GAB2: variants seen among roughly 807,000 people sequenced by gnomAD.
GAB2 encodes the protein GRB2 associated binding protein 2.
Under a neutral mutation model 65.5 loss-of-function variants are expected in GAB2, and 26 were observed. That is an observed-to-expected ratio of 0.40 (90% CI 0.29 to 0.55). The LOEUF is 0.55. GAB2 is among the 20% of genes least tolerant of loss of function. The probability of loss-of-function intolerance (pLI) is 0.53; values close to 1 mark genes in which losing one functional copy is unlikely to be tolerated. For synonymous variants in GAB2, 321 were observed against 329.6 expected (o/e 0.97, Z 0.28); for missense variants, 884 against 875.8 (o/e 1.01, Z -0.12).
intron 1 of GAB2, among the ~76,000 whole-genome samples, chr11:78,367,396 A>T (rs116919068): frequency 1.2e-3 from 183 of 152,354 alleles, no homozygotes; most frequent in Non-Finnish European, 2.0e-3. Context: ...GATACAGCAG[A>T]CTAGAAAGCA....
intron 1 of GAB2, among the ~76,000 whole-genome samples, chr11:78,323,301 GGAGTTCGA>G (rs1855761638): frequency 6.6e-6 from 1 of 152,244 alleles, no homozygotes; most frequent in East Asian, 1.9e-4. Context: ...CCTGAGGTCA[GGAGTTCGA>G]GACCAGCCTG....
In GAB2 at chr11:78,227,359, C is replaced by T. The variant is rs189310125; in HGVS notation, c.621-308G>A. ...TTAAGTACCGCAGAATATGCACATTCGAACACAAATGTTGTGAGACAGTGG... is the reference window on the plus strand; with the variant it reads ...TTAAGTACCGCAGAATATGCACATTTGAACACAAATGTTGTGAGACAGTGG... On this transcript the variant is annotated intron_variant, in intron 3 of 9. Transcript: ENST00000361507. 6.7e-4 allele frequency among the ~76,000 whole-genome samples: 102 copies of T among 152,256 alleles called. 1 individual carries two copies. The highest frequency in any genetic ancestry group is 1.7e-3 in the Admixed American group (26 of 15,286).
chr11:78,349,993 T>C (rs903215544), intron 1 of GAB2, among the ~76,000 whole-genome samples: 9 of 152,134 alleles, frequency 5.9e-5, no homozygotes, highest in Admixed American at 3.3e-4. Context: ...TTTTTAAAGG[T>C]AAAAGCAAAT....
chr11:78,416,848 C>A (rs1857203215), intron 1 of GAB2, among the ~76,000 whole-genome samples: 1 of 151,852 alleles, frequency 6.6e-6, no homozygotes, highest in African/African-American at 2.4e-5. Flanking sequence ...CCCCAGGCTG[C>A]CAGTTCCCCA....
At position 78,280,772 on chromosome 11, in the gene GAB2, C is replaced by T; in HGVS notation, c.205G>A (p.Val69Ile). The T allele has an allele frequency of 8.1e-6, 13 of 1,614,188 alleles. No homozygotes were observed. The highest frequency in any genetic ancestry group is 1.1e-5 in the Non-Finnish European group (13 of 1,180,018). The change falls in exon 2 of 10, where the codon GTA becomes ATA. Residue 69 changes from valine (V) to isoleucine (I), a missense_variant. Transcript: ENST00000361507. ...RIINLNFCEQ[V>I]DAGLTFNKKE... Reference sequence around the variant, plus strand: ...TTGTTAAAGGTCAGGCCTGCATCTACCTGCTCACAGAAGTTCAGGTTGATG... The same window carrying T: ...TTGTTAAAGGTCAGGCCTGCATCTATCTGCTCACAGAAGTTCAGGTTGATG...
intron 1 of GAB2, among the ~76,000 whole-genome samples, chr11:78,367,628 T>C (rs1460937123): frequency 6.6e-6 from 1 of 152,168 alleles, no homozygotes; most frequent in East Asian, 1.9e-4. Flanking sequence ...TACCAGTCTA[T>C]AATCTGTCTT....
intron 1 of GAB2, among the ~76,000 whole-genome samples, chr11:78,395,099 G>C (rs1003222780): frequency 6.6e-6 from 1 of 152,212 alleles, no homozygotes; most frequent in Non-Finnish European, 1.5e-5. Flanking sequence ...ATATCAGAGA[G>C]AGACTGTATC....
chr11:78,332,863 G>C (rs750603064), intron 1 of GAB2, among the ~76,000 whole-genome samples: 2 of 152,170 alleles, frequency 1.3e-5, no homozygotes, highest in Non-Finnish European at 2.9e-5. Context: ...CCTAGAGTCT[G>C]AGCAGAAATT....
chr11:78,300,996 C>T (rs899028162), intron 1 of GAB2, among the ~76,000 whole-genome samples: 6 of 152,170 alleles, frequency 3.9e-5, no homozygotes, highest in African/African-American at 7.2e-5. Flanking sequence ...CACCCAGCCT[C>T]GCTGTGGTTT....
intron 1 of GAB2, among the ~76,000 whole-genome samples, chr11:78,372,228 C>T (rs1284880702): frequency 1.3e-5 from 2 of 152,080 alleles, no homozygotes; most frequent in Non-Finnish European, 2.9e-5. Context: ...ACCTTAGCCT[C>T]TCTCTGAGCT....
chr11:78,349,364 A>T (rs1460260030), intron 1 of GAB2, among the ~76,000 whole-genome samples: 2 of 152,204 alleles, frequency 1.3e-5, no homozygotes, highest in South Asian at 4.1e-4. Flanking sequence ...GTCTGGTACT[A>T]AGTTACAAAT....
intron 1 of GAB2, chr11:78,324,865 A>C (rs1185500362): frequency 6.6e-6 from 1 of 152,202 alleles, no homozygotes; most frequent in East Asian, 1.9e-4. Flanking sequence ...GGTTATGGCC[A>C]GCTAATCTAA....
intron 1 of GAB2, among the ~76,000 whole-genome samples, chr11:78,312,720 C>T (rs1422519090): frequency 6.6e-6 from 1 of 152,132 alleles, no homozygotes; most frequent in Non-Finnish European, 1.5e-5. Flanking sequence ...TGAGCCACTG[C>T]GCCTGGCCTA....
At chr11:78,255,474 G>C (rs1865570805) in intron 2 of GAB2, among the ~76,000 whole-genome samples, 1 of 152,172 alleles carries the variant, frequency 6.6e-6, no homozygotes, top group South Asian at 2.1e-4. Flanking sequence ...TAAATTCAGA[G>C]ACAACTTTTC....
At chr11:78,390,255 C>T (rs145403933) in intron 1 of GAB2, among the ~76,000 whole-genome samples, 1 of 152,116 alleles carries the variant, frequency 6.6e-6, no homozygotes, top group African/African-American at 2.4e-5. Context: ...ATAGCCCACA[C>T]CAGCAAGCTA....
At chr11:78,326,702 G>A (rs1374318274) in intron 1 of GAB2, among the ~76,000 whole-genome samples, 3 of 152,200 alleles carry the variant, frequency 2.0e-5, no homozygotes, top group Non-Finnish European at 2.9e-5. Flanking sequence ...TGTGTTCTCA[G>A]TACAGAATAG....
At chr11:78,312,092 C>A (rs75086765) in intron 1 of GAB2, among the ~76,000 whole-genome samples, 8,035 of 151,550 alleles carry the variant, frequency 0.053, 690 homozygotes, top group African/African-American at 0.18. Flanking sequence ...CACAGGGCAG[C>A]ACATTACATA....
intron 3 of GAB2, among the ~76,000 whole-genome samples, chr11:78,231,336 G>GTGGTGTGTGTGTGTGTGTGT (rs1554975133): frequency 6.2e-5 from 9 of 145,796 alleles, no homozygotes; most frequent in African/African-American, 2.1e-4. Context: ...GCGCGTGTGT[G>GTGGTGTGTGTGTGTGTGTGT]GTGTGTGTGT....
chr11:78,248,142 T>TGA (rs140445157), intron 3 of GAB2, among the ~76,000 whole-genome samples: 9 of 151,366 alleles, frequency 5.9e-5, no homozygotes, highest in South Asian at 2.1e-4. Flanking sequence ...CCAAATGTTG[T>TGA]GAGAGAGAGA....
Sources: allele counts gnomAD v4.1 joint callset (sites outside exome capture counted in the v4.1 genomes callset), GRCh38; gene constraint gnomAD v4.1.1; transcripts MANE v1.5; gene names NCBI Gene and HGNC (gene_info 2026-07-23, HGNC 2026-07-21).